The following PRKG1 variants were observed in gnomAD, a reference collection of about 807,000 sequenced individuals.
PRKG1 encodes the protein cGMP-dependent protein kinase 1.
A neutral mutation model predicts 88.1 loss-of-function variants in PRKG1; 35 were observed. That is an observed-to-expected ratio of 0.40 (90% CI 0.30 to 0.53). The LOEUF is 0.53. PRKG1 is among the 20% of genes least tolerant of loss of function. The probability of loss-of-function intolerance (pLI) is 0.59; values close to 1 mark genes in which losing one functional copy is unlikely to be tolerated. For synonymous variants in PRKG1, 303 were observed against 292.5 expected, an observed-to-expected ratio of 1.04 and a Z score of -0.37; for missense variants, 540 against 839.8, an observed-to-expected ratio of 0.64 and a Z score of 4.41.
At chr10:51,599,922 T>C (rs369034763) in intron 3 of PRKG1, among the ~76,000 whole-genome samples, 2 of 152,330 alleles carry the variant, frequency 1.3e-5, no homozygotes, top group East Asian at 1.9e-4. Context: ...TATATATGTG[T>C]ACATGCATGC....
chr10:51,530,927 A>G (rs1040419471), intron 3 of PRKG1, among the ~76,000 whole-genome samples: 6 of 152,232 alleles, frequency 3.9e-5, no homozygotes, highest in Non-Finnish European at 7.3e-5. Flanking sequence ...GTTTGGAAAC[A>G]CAAAGCCAGA....
chr10:51,985,971 A>G (rs191537117), intron 5 of PRKG1, among the ~76,000 whole-genome samples: 2 of 152,304 alleles, frequency 1.3e-5, no homozygotes, highest in Admixed American at 1.3e-4. Flanking sequence ...AACGCTTAAC[A>G]TTAGTTTATA....
chr10:51,556,217 A>G (rs181277812), intron 3 of PRKG1, among the ~76,000 whole-genome samples: 13 of 152,192 alleles, frequency 8.5e-5, no homozygotes. Flanking sequence ...GTTTATTAGT[A>G]GTAAACAGAT....
chr10:51,876,394 T>C (rs1841301135), intron 4 of PRKG1, among the ~76,000 whole-genome samples: 1 of 152,230 alleles, frequency 6.6e-6, no homozygotes, highest in Non-Finnish European at 1.5e-5. Flanking sequence ...TACCTGTTTA[T>C]AAAAGAAAAA....
At chr10:52,174,806 A>T (rs1337213407) in intron 9 of PRKG1, among the ~76,000 whole-genome samples, 1 of 152,042 alleles carries the variant, frequency 6.6e-6, no homozygotes, top group Non-Finnish European at 1.5e-5. Context: ...ACCAAAGGCA[A>T]GACATATCTG....
chr10:51,086,747 C>T (rs1301040541), intron 1 of PRKG1, among the ~76,000 whole-genome samples: 1 of 152,104 alleles, frequency 6.6e-6, no homozygotes, highest in African/African-American at 2.4e-5. Context: ...AAAGCAAAAA[C>T]ACTGATCATC....
chr10:51,987,553 G>C (rs369816821), intron 5 of PRKG1, among the ~76,000 whole-genome samples: 25 of 150,194 alleles, frequency 1.7e-4, no homozygotes, highest in African/African-American at 5.9e-4. Context: ...GAAATTCTAA[G>C]TCACTAATTG....
At chr10:51,889,075 A>G (rs1457513147) in intron 4 of PRKG1, among the ~76,000 whole-genome samples, 1 of 92,466 alleles carries the variant, frequency 1.1e-5, no homozygotes, top group South Asian at 3.1e-4. Context: ...TTTTTTTTTT[A>G]ATACTTTAAG....
chr10:52,050,392 G>A (rs1564447536), intron 5 of PRKG1, among the ~76,000 whole-genome samples: 1 of 152,064 alleles, frequency 6.6e-6, no homozygotes, highest in African/African-American at 2.4e-5. Flanking sequence ...TCTAAATTCT[G>A]TTTATTTCTT....
intron 3 of PRKG1, among the ~76,000 whole-genome samples, chr10:51,498,686 T>A (rs1051493800): frequency 1.3e-5 from 2 of 152,126 alleles, no homozygotes; most frequent in African/African-American, 4.8e-5. Context: ...GTGAAGCAAG[T>A]TTTTTGTCCC....
At chr10:52,056,216 T>C (rs1267645543) in intron 6 of PRKG1, among the ~76,000 whole-genome samples, 1 of 152,198 alleles carries the variant, frequency 6.6e-6, no homozygotes, top group East Asian at 1.9e-4. Context: ...TGTTAGAGCT[T>C]ATCATTTATT....
intron 5 of PRKG1, among the ~76,000 whole-genome samples, chr10:52,015,917 C>G (rs202197003): frequency 6.6e-6 from 1 of 152,208 alleles, no homozygotes. Context: ...CAATAAGTTT[C>G]TCATCTCCAT....
At chr10:51,652,547 G>A (rs918704862) in intron 3 of PRKG1, among the ~76,000 whole-genome samples, 3 of 152,082 alleles carry the variant, frequency 2.0e-5, no homozygotes, top group African/African-American at 7.2e-5. Flanking sequence ...CACTTCTCAT[G>A]TCATCGATCC....
chr10:51,324,280 C>T (rs1436720899), intron 2 of PRKG1, among the ~76,000 whole-genome samples: 2 of 152,130 alleles, frequency 1.3e-5, no homozygotes, highest in Admixed American at 1.3e-4. Context: ...CCTCTAGTAA[C>T]CACCATTCTA....
chr10:51,819,470 T>C (rs1276690525), intron 4 of PRKG1, among the ~76,000 whole-genome samples: 1 of 152,174 alleles, frequency 6.6e-6, no homozygotes, highest in Non-Finnish European at 1.5e-5. Flanking sequence ...AACTTCATTA[T>C]GTCCATGTTT....
intron 3 of PRKG1, among the ~76,000 whole-genome samples, chr10:51,750,082 C>T (rs373304559): frequency 1.2e-3 from 187 of 152,084 alleles, no homozygotes; most frequent in African/African-American, 4.2e-3. Flanking sequence ...ATTACAGGCT[C>T]ATGCCACCAT....
chr10:51,210,289 C>G (rs2132071498), intron 2 of PRKG1, among the ~76,000 whole-genome samples: 1 of 152,034 alleles, frequency 6.6e-6, no homozygotes, highest in East Asian at 1.9e-4. Context: ...CACAACATAC[C>G]AGAATCTCTG....
chr10:51,978,045 G>A (rs1226177906), intron 5 of PRKG1, among the ~76,000 whole-genome samples: 1 of 151,922 alleles, frequency 6.6e-6, no homozygotes, highest in Admixed American at 6.6e-5. Context: ...ATCTTTGCCT[G>A]TTCCTATGTC....
At chr10:51,189,696 C>A (rs1262213504) in intron 2 of PRKG1, among the ~76,000 whole-genome samples, 1 of 151,828 alleles carries the variant, frequency 6.6e-6, no homozygotes, top group Non-Finnish European at 1.5e-5. Context: ...ATCATTTCTG[C>A]ATAGTTACTA....
Sources: allele counts gnomAD v4.1 joint callset (sites outside exome capture counted in the v4.1 genomes callset), GRCh38; gene constraint gnomAD v4.1.1; transcripts MANE v1.5; gene names NCBI Gene and HGNC (gene_info 2026-07-23, HGNC 2026-07-21).